Variants in CRTAP observed in about 807,000 individuals in gnomAD.
CRTAP encodes cartilage-associated protein.
A neutral mutation model predicts 42.7 loss-of-function variants in CRTAP; 33 were observed. The ratio of observed to expected loss-of-function variants is 0.77; its 90% CI spans 0.59 to 1.03. The LOEUF (loss-of-function observed/expected upper bound fraction) is 1.03. CRTAP is among the 50% of genes least tolerant of loss of function. The pLI is 0.00. For synonymous variants in CRTAP, 243 were observed against 217.7 expected (o/e 1.12, Z -1.02); for missense variants, 613 against 533.9 (o/e 1.15, Z -1.46).
chr3:33,128,725 T>C (rs1385607654), intron 3 of CRTAP, among the ~76,000 whole-genome samples: 2 of 152,194 alleles, frequency 1.3e-5, no homozygotes, highest in African/African-American at 2.4e-5. Context: ...TTTTAAGGTA[T>C]CATTTTGTAC....
intron 4 of CRTAP, 146 bp downstream of exon 4, chr3:33,130,213 C>T (rs146415419): frequency 2.3e-5 from 19 of 821,578 alleles, no homozygotes; most frequent in African/African-American, 2.2e-4. Flanking sequence ...AAAAAGGCAG[C>T]ATGGCTTAGT....
intron 5 of CRTAP, 44 bp downstream of exon 5, chr3:33,132,744 C>A: frequency 1.2e-6 from 2 of 1,609,362 alleles, no homozygotes; most frequent in Non-Finnish European, 1.7e-6. Context: ...TTCATTCTTG[C>A]CTTCTGGAGA....
chr3:33,129,843 T>C, intron 3 of CRTAP, 96 bp from the exon 4 acceptor site: 2 of 1,326,662 alleles, frequency 1.5e-6, no homozygotes, highest in Non-Finnish European at 2.2e-6. Context: ...GGCCTGTAAA[T>C]ATTTTTCTTT....
Position 33,124,455 on chromosome 3 carries a change from A to G in CRTAP, c.669A>G (p.Arg223=). Reference sequence around the variant, plus strand: ...GGGCATACAACGGTGAGAACTGGAGAACATCCATCACAGACATGGAGCTGG... The same window carrying G: ...GGGCATACAACGGTGAGAACTGGAGGACATCCATCACAGACATGGAGCTGG... The part of the protein sequence containing the change: ...AVRAYNGENW[R]TSITDMELAL... Residue 223 remains arginine (R), a synonymous_variant, in exon 3 of 7, where the codon AGA becomes AGG. Coordinates refer to ENST00000320954, the MANE Select transcript of CRTAP (RefSeq NM_006371.5). 1.9e-6 allele frequency: 3 copies of G among 1,614,194 alleles called. No homozygotes were observed. Among genetic ancestry groups the G allele is most frequent in the African/African-American group, 1.3e-5 (1 of 75,054 alleles).
At position 33,124,447 on chromosome 3, in the gene CRTAP, A is replaced by G. The variant is rs758883894; in HGVS notation, c.661A>G (p.Asn221Asp). ...AGCAGTGCGGGCATACAACGGTGAG[A>G]ACTGGAGAACATCCATCACAGACAT... is the stretch of plus-strand genomic sequence containing the variant. ...IRAVRAYNGE[N>D]WRTSITDMEL... Residue 221 changes from asparagine (N) to aspartate (D), a missense_variant, in exon 3 of 7, where the codon AAC (asparagine) becomes GAC (aspartate). Asn to Asp is a conservative substitution (Grantham distance 23). Transcript: ENST00000320954. 1 of 1,614,188 alleles carries G rather than the reference A, an allele frequency of 6.2e-7. No homozygotes were observed. The highest frequency in any genetic ancestry group is 8.5e-7 in the Non-Finnish European group (1 of 1,180,036).
chr3:33,138,968 T>C (rs2030499063), intron 6 of CRTAP, among the ~76,000 whole-genome samples: 1 of 152,092 alleles, frequency 6.6e-6, no homozygotes, highest in African/African-American at 2.4e-5. Context: ...TCGGTCGAAA[T>C]CTTGCTTTAC....
intron 3 of CRTAP, 71 bp downstream of exon 3, chr3:33,124,650 A>T: frequency 6.3e-7 from 1 of 1,578,508 alleles, no homozygotes; most frequent in East Asian, 2.2e-5. Flanking sequence ...TTCTGCCTGC[A>T]TGCCTGCTAG....
intron 5 of CRTAP, among the ~76,000 whole-genome samples, chr3:33,133,752 T>C (rs979179753): frequency 1.3e-5 from 2 of 152,242 alleles, no homozygotes; most frequent in African/African-American, 4.8e-5. Flanking sequence ...AACAGCTCCC[T>C]GGTAGTCTCT....
intron 1 of CRTAP, among the ~76,000 whole-genome samples, chr3:33,116,089 G>C (rs1701339840): frequency 6.6e-6 from 1 of 151,998 alleles, no homozygotes; most frequent in Non-Finnish European, 1.5e-5. Flanking sequence ...ACCAAATTTA[G>C]GTCACATAAT....
At position 33,142,480 on chromosome 3, in the gene CRTAP, G is replaced by C. The variant is rs758494897; in HGVS notation, c.*32G>C. On this transcript the variant is annotated 3_prime_UTR_variant, in exon 7 of 7. Transcript: ENST00000320954. The stretch of plus-strand genomic sequence containing the variant: ...GCAACCAAAGAGACTTCCTCTTGGC[G>C]TTCAGGAAACACAGATTCTTTGTCC... 1 of 1,607,200 alleles carries C rather than the reference G, an allele frequency of 6.2e-7. No individual in the cohort carries two copies. The highest frequency in any genetic ancestry group is 8.5e-7 in the Non-Finnish European group (1 of 1,173,886).
intron 1 of CRTAP, among the ~76,000 whole-genome samples, chr3:33,119,270 T>C (rs1701384624): frequency 6.6e-6 from 1 of 152,208 alleles, no homozygotes; most frequent in South Asian, 2.1e-4. Context: ...TGTCCTGCCT[T>C]GTCCTGAGGA....
chr3:33,128,370 C>A (rs1309598369), intron 3 of CRTAP, among the ~76,000 whole-genome samples: 2 of 152,038 alleles, frequency 1.3e-5, no homozygotes, highest in South Asian at 4.1e-4. Context: ...ATCCTTTGGC[C>A]TTCTTTGTCT....
At position 33,114,514 on chromosome 3, in the gene CRTAP, A is replaced by T. The variant is rs1701320451; in HGVS notation, c.437A>T (p.Glu146Val). ...GTGCTGGCGGACTTCCAGCGCCGCG[A>T]GCCCTACAAGTTCCTGCAGTTCGCT... ...REVLADFQRR[E>V]PYKFLQFAYF... The change falls in exon 1 of 7, where the codon GAG becomes GTG. Residue 146 changes from glutamate (E) to valine (V), a missense_variant. By Grantham distance (121) the Glu-to-Val change is moderately radical (BLOSUM62 -2). Transcript: ENST00000320954. 6.2e-7 allele frequency: 1 copy of T among 1,603,868 alleles called. No individual in the cohort carries two copies. The highest frequency in any genetic ancestry group is 1.7e-5 in the Admixed American group (1 of 59,392).
intron 2 of CRTAP, among the ~76,000 whole-genome samples, chr3:33,121,508 T>C (rs975276724): frequency 4.6e-5 from 7 of 152,162 alleles, no homozygotes; most frequent in African/African-American, 1.7e-4. Flanking sequence ...AGTGATCAGA[T>C]CTCAGGCTCA....
intron 4 of CRTAP, among the ~76,000 whole-genome samples, chr3:33,130,316 A>C (rs144688560): frequency 6.6e-6 from 1 of 152,284 alleles, no homozygotes; most frequent in African/African-American, 2.4e-5. Flanking sequence ...CTCATTGTGA[A>C]TAGAGATTGT....
intron 6 of CRTAP, among the ~76,000 whole-genome samples, chr3:33,137,995 A>G (rs1474360058): frequency 1.3e-5 from 2 of 152,228 alleles, no homozygotes; most frequent in African/African-American, 4.8e-5. Flanking sequence ...GAAAGAAATC[A>G]GTTGACCATA....
At chr3:33,137,746 T>C (rs2125606022) in intron 6 of CRTAP, among the ~76,000 whole-genome samples, 1 of 152,350 alleles carries the variant, frequency 6.6e-6, no homozygotes, top group East Asian at 1.9e-4. Context: ...TTTTGTGTTG[T>C]GTGTCATATC....
rs139573408 is a variant in CRTAP, at chr3:33,129,447, A to G, written c.794-492A>G. Among the ~76,000 whole-genome samples the G allele has an allele frequency of 9.5e-4, 143 of 151,126 alleles. 1 individual carries two copies. The highest frequency in any genetic ancestry group is 3.3e-3 in the African/African-American group (134 of 41,186). On this transcript the variant is annotated intron_variant, in intron 3 of 6. Transcript: ENST00000320954. ...TATCATTTGGCCATTTATATAGTGGATGTTCATCTTTTTCATATTGATTTG... is the reference window on the plus strand; with the variant it reads ...TATCATTTGGCCATTTATATAGTGGGTGTTCATCTTTTTCATATTGATTTG...
At position 33,114,389 on chromosome 3, in the gene CRTAP, C is replaced by G. The variant is rs904096765; in HGVS notation, c.312C>G (p.Pro104=). ...CCGCCGCCGGCCTCGCCAGCTATCCCGAGCTGCGCCTCTTCGGGGGCCTGC... is the reference window on the plus strand; with the variant it reads ...CCGCCGCCGGCCTCGCCAGCTATCCGGAGCTGCGCCTCTTCGGGGGCCTGC... ...PEPAAGLASY[P]ELRLFGGLLR... is the part of the protein sequence containing the mutation. The change falls in exon 1 of 7, where the codon CCC becomes CCG. Residue 104 remains proline (P), a synonymous_variant. Coordinates refer to ENST00000320954, the MANE Select transcript of CRTAP (RefSeq NM_006371.5). 6.2e-5 allele frequency: 95 copies of G among 1,533,824 alleles called. No homozygotes were observed. Among genetic ancestry groups the G allele is most frequent in the Non-Finnish European group, 8.0e-5 (92 of 1,145,712 alleles).
Sources: allele counts gnomAD v4.1 joint callset (sites outside exome capture counted in the v4.1 genomes callset), GRCh38; gene constraint gnomAD v4.1.1; transcripts MANE v1.5; gene names NCBI Gene and HGNC (gene_info 2026-07-23, HGNC 2026-07-21).